The following RBFOX1 variants were observed in gnomAD, a reference collection of about 807,000 sequenced individuals.
The protein encoded by RBFOX1 is RNA binding fox-1 homolog 1.
RBFOX1 carries 8 observed loss-of-function variants against 57.7 expected under a neutral mutation model. That is an observed-to-expected ratio of 0.14 (90% CI 0.08 to 0.25). The LOEUF is 0.25. Among genes scored for constraint, RBFOX1 ranks in the 10% least tolerant of loss-of-function variants. The pLI, the probability that RBFOX1 is intolerant of heterozygous loss-of-function variation, is 1.00. For synonymous variants in RBFOX1, 326 were observed against 222.4 expected, an observed-to-expected ratio of 1.47 and a Z score of -4.15; for missense variants, 611 against 548.5, an observed-to-expected ratio of 1.11 and a Z score of -1.14.
chr16:5,780,797 G>C (rs868796092), intron 3 of RBFOX1, among the ~76,000 whole-genome samples: 10 of 152,188 alleles, frequency 6.6e-5, no homozygotes, highest in South Asian at 2.1e-4. Context: ...TTAAGTTCAA[G>C]TTACTCACTT....
intron 2 of RBFOX1, among the ~76,000 whole-genome samples, chr16:6,571,198 A>T (rs969705514): frequency 2.0e-5 from 3 of 152,220 alleles, no homozygotes; most frequent in African/African-American, 7.2e-5. Context: ...GTCTATTCCC[A>T]AAAGGCTTCT....
chr16:5,351,701 G>C (rs376760491), intron 1 of RBFOX1, among the ~76,000 whole-genome samples: 2 of 152,330 alleles, frequency 1.3e-5, no homozygotes, highest in African/African-American at 4.8e-5. Context: ...GAGGAATTCA[G>C]GTTGGACCCT....
intron 2 of RBFOX1, among the ~76,000 whole-genome samples, chr16:5,578,658 A>G (rs1168720963): frequency 1.3e-5 from 2 of 152,136 alleles, no homozygotes; most frequent in African/African-American, 2.4e-5. Context: ...GTTAGATCTA[A>G]GGCCTTCAAG....
At chr16:7,236,137 C>A (rs1476468423) in intron 4 of RBFOX1, among the ~76,000 whole-genome samples, 1 of 152,142 alleles carries the variant, frequency 6.6e-6, no homozygotes, top group Non-Finnish European at 1.5e-5. Flanking sequence ...TGTGTCATAT[C>A]CTGCTCACCT....
At chr16:6,967,919 A>G (rs539535271) in intron 3 of RBFOX1, among the ~76,000 whole-genome samples, 34 of 152,266 alleles carry the variant, frequency 2.2e-4, no homozygotes, top group South Asian at 6.2e-4. Context: ...TCCTCCCACC[A>G]ACTGTTCAGC....
intron 1 of RBFOX1, among the ~76,000 whole-genome samples, chr16:6,167,956 C>T (rs971501873): frequency 1.3e-5 from 2 of 152,174 alleles, no homozygotes; most frequent in Non-Finnish European, 2.9e-5. Flanking sequence ...TTATAAACTC[C>T]ACCCATGGCA....
intron 3 of RBFOX1, among the ~76,000 whole-genome samples, chr16:6,825,104 C>T (rs553372574): frequency 1.4e-5 from 2 of 142,778 alleles, no homozygotes; most frequent in Non-Finnish European, 3.0e-5. Context: ...TCAAACAATT[C>T]TCCTGCCTCA....
At position 5,636,933 on chromosome 16, in the gene RBFOX1, C is replaced by G. The variant is rs75033559; in HGVS notation, c.318+37972C>G. On this transcript the variant is annotated intron_variant, in intron 3 of 19. Coordinates refer to the RBFOX1 transcript ENST00000641259. ...GACCAGGAGGCCTGAGCCTGCTGGC[C>G]TTGGGAGCCAGGATTTGCCAGCGTG... Among the ~76,000 whole-genome samples the G allele has an allele frequency of 6.9e-3, 1,056 of 152,294 alleles. 20 individuals carry two copies. Among genetic ancestry groups the G allele is most frequent in the African/African-American group, 0.025 (1,026 of 41,570 alleles).
At chr16:6,577,614 C>G (rs746899328) in intron 2 of RBFOX1, among the ~76,000 whole-genome samples, 1 of 152,178 alleles carries the variant, frequency 6.6e-6, no homozygotes, top group Non-Finnish European at 1.5e-5. Context: ...TGTATTGGCT[C>G]ATCATTCCCA....
At position 7,518,215 on chromosome 16, in the gene RBFOX1, C is replaced by G. The variant is rs143695164; in HGVS notation, c.96C>G (p.Pro32=). ...CTTACGCTTCGGCCCAGTTTGCTCC[C>G]CCGCAGAACGGTATCCCCGCGGAAT... The part of the protein sequence containing the change: ...AQPYASAQFA[P]PQNGIPAEYT... The change falls in exon 5 of 16, where the codon CCC becomes CCG. Residue 32 remains proline (P), a synonymous_variant. Coordinates refer to ENST00000550418, the MANE Select transcript of RBFOX1 (RefSeq NM_018723.4). 7.6e-4 allele frequency: 1,222 copies of G among 1,614,122 alleles called. 2 individuals carry two copies. Among genetic ancestry groups the G allele is most frequent in the South Asian group, 2.8e-3 (253 of 91,064 alleles).
intron 4 of RBFOX1, among the ~76,000 whole-genome samples, chr16:7,250,623 A>T (rs1250498539): frequency 6.6e-6 from 1 of 152,242 alleles, no homozygotes; most frequent in Non-Finnish European, 1.5e-5. Context: ...TACACAGCAG[A>T]CACTGAGCAA....
chr16:5,821,383 G>A (rs2055854035), intron 3 of RBFOX1, among the ~76,000 whole-genome samples: 2 of 147,888 alleles, frequency 1.4e-5, no homozygotes, highest in Non-Finnish European at 3.0e-5. Context: ...GCTCACTGTA[G>A]CCTTTGACTC....
chr16:5,542,098 A>G (rs994382374), intron 2 of RBFOX1, among the ~76,000 whole-genome samples: 1 of 152,058 alleles, frequency 6.6e-6, no homozygotes, highest in Non-Finnish European at 1.5e-5. Flanking sequence ...CTTATTCTAG[A>G]TTTATGAACA....
chr16:5,617,861 A>G (rs376172745), intron 3 of RBFOX1, among the ~76,000 whole-genome samples: 1 of 152,256 alleles, frequency 6.6e-6, no homozygotes, highest in East Asian at 1.9e-4. Context: ...CCTAGGCAGC[A>G]TTTCCGAAGC....
intron 2 of RBFOX1, among the ~76,000 whole-genome samples, chr16:5,544,215 G>T (rs1262633059): frequency 6.6e-6 from 1 of 152,162 alleles, no homozygotes; most frequent in Non-Finnish European, 1.5e-5. Flanking sequence ...AAGGATTCAG[G>T]TCCTGCAAAG....
At chr16:6,578,277 C>G (rs1214863052) in intron 2 of RBFOX1, among the ~76,000 whole-genome samples, 4 of 152,092 alleles carry the variant, frequency 2.6e-5, no homozygotes, top group Non-Finnish European at 4.4e-5. Context: ...GCATAAGAAT[C>G]TTGGCCTAAA....
chr16:6,977,499 G>C (rs747244777), intron 3 of RBFOX1, among the ~76,000 whole-genome samples: 3 of 152,028 alleles, frequency 2.0e-5, no homozygotes, highest in Non-Finnish European at 4.4e-5. Context: ...GCAAGTCCCA[G>C]CCTCATTTTC....
At chr16:6,752,712 A>C (rs2075144829) in intron 3 of RBFOX1, among the ~76,000 whole-genome samples, 1 of 152,054 alleles carries the variant, frequency 6.6e-6, no homozygotes, top group Non-Finnish European at 1.5e-5. Flanking sequence ...CAACAGGTGC[A>C]CCTATCTTGA....
At chr16:5,654,337 T>C (rs1257429853) in intron 3 of RBFOX1, among the ~76,000 whole-genome samples, 1 of 152,162 alleles carries the variant, frequency 6.6e-6, no homozygotes, top group Non-Finnish European at 1.5e-5. Flanking sequence ...AAGCCAGATG[T>C]TAAGCCATTA....
Sources: allele counts gnomAD v4.1 joint callset (sites outside exome capture counted in the v4.1 genomes callset), GRCh38; gene constraint gnomAD v4.1.1; transcripts MANE v1.5; gene names NCBI Gene and HGNC (gene_info 2026-07-23, HGNC 2026-07-21).